QPCTL: variants seen among roughly 807,000 people sequenced by gnomAD.
QPCTL encodes the protein glutaminyl-peptide cyclotransferase-like protein.
Under a neutral mutation model 34.6 loss-of-function variants are expected in QPCTL, and 31 were observed. The observed-to-expected ratio is 0.90, with a 90% CI of 0.67 to 1.21. QPCTL has a LOEUF of 1.21. Ranked by LOEUF, QPCTL falls within the 50% of genes most tolerant of loss-of-function variation. The probability of loss-of-function intolerance (pLI) is 0.00; values close to 1 mark genes in which losing one functional copy is unlikely to be tolerated. For missense variants in QPCTL, 474 were observed against 507.8 expected (o/e 0.93, Z 0.64); for synonymous variants, 223 against 226.9 (o/e 0.98, Z 0.15).
rs190055331 is a variant in QPCTL, at chr19:45,693,335, G to A, written c.208-78G>A. ...GGAAGAGAACCCGGGGCTCCTCGCG[G>A]GTGACGGCGCCCGGGGTAGGGTTGA... On this transcript the variant is annotated intron_variant, in intron 1 of 6. Transcript: ENST00000012049. The A allele has an allele frequency of 5.5e-5, 82 of 1,499,488 alleles. No individual in the cohort carries two copies. The Admixed American group carries it at 5.9e-4, about 11-fold the overall frequency. The allele number at this position is 1,499,488 out of a possible 1,614,324, so 92.9% of individuals were successfully genotyped here.
rs761667204 is a variant in QPCTL at position 45,702,986 on chromosome 19, AC to A, written c.1089del (p.Thr364ArgfsTer25). 8 of 1,613,792 alleles carry A rather than the reference AC, an allele frequency of 5.0e-6. No homozygotes were observed. Among genetic ancestry groups the A allele is most frequent in the Non-Finnish European group, 6.8e-6 (8 of 1,179,968 alleles). ...PADTEVNLHP[P>X]TVHNLCRILA... ...CGGACACCGAGGTCAATCTCCACCCACCCACGGTACACAACTTGTGCCGCAT... is the reference window on the plus strand; with the variant it reads ...CGGACACCGAGGTCAATCTCCACCCACCACGGTACACAACTTGTGCCGCAT... On this transcript the variant is annotated frameshift_variant, in exon 7 of 7. Transcript: ENST00000012049. LOFTEE classifies it high-confidence loss of function.
At chr19:45,702,770 A>G (rs1967834167) in intron 6 of QPCTL, 134 bp from the exon 7 acceptor site, 1 of 1,119,390 alleles carries the variant, frequency 8.9e-7, no homozygotes, top group Non-Finnish European at 1.3e-6. Context: ...TCTCAAAAAA[A>G]AAAAAAAAGT....
rs1193890530 is a variant in QPCTL, at chr19:45,695,580, T to G, written c.495T>G (p.Leu165=). The G allele has an allele frequency of 6.2e-7, 1 of 1,614,090 alleles. No homozygotes were observed. Among genetic ancestry groups the G allele is most frequent in the South Asian group, 1.1e-5 (1 of 91,084 alleles). ...LDPRAARHLT[L]ACHYDSKLFP... ...CAAGGGCTGCCCGTCACCTCACCCTTGCCTGCCATTATGACTCGAAGCTCT... is the reference window on the plus strand; with the variant it reads ...CAAGGGCTGCCCGTCACCTCACCCTGGCCTGCCATTATGACTCGAAGCTCT... The change falls in exon 3 of 7, where the codon CTT becomes CTG. Residue 165 remains leucine, a synonymous_variant. Coordinates refer to ENST00000012049, the MANE Select transcript of QPCTL (RefSeq NM_017659.4).
intron 6 of QPCTL, 59 bp from the exon 7 acceptor site, chr19:45,702,845 G>T: frequency 6.2e-7 from 1 of 1,607,050 alleles, no homozygotes; most frequent in Non-Finnish European, 8.5e-7. Context: ...GGTTGGGCTT[G>T]GGCTCCTGGG....
intron 3 of QPCTL, among the ~76,000 whole-genome samples, chr19:45,697,107 G>A (rs917190547): frequency 1.3e-5 from 2 of 151,142 alleles, no homozygotes; most frequent in South Asian, 2.1e-4. Flanking sequence ...ATGACAGAGC[G>A]AGATTCTGTC....
rs1249738959 is a variant in QPCTL at position 45,701,931 on chromosome 19, G to C, written c.1003+17G>C. ...TCCGCAGAGGTACCAGCTGCAGGGA[G>C]GGATGGAGGGTGGGTGTCCAAGGAA... On this transcript the variant is annotated intron_variant, in intron 6 of 6. Transcript: ENST00000012049. 2 of 1,592,328 alleles carry C rather than the reference G, an allele frequency of 1.3e-6. No homozygotes were observed. The highest frequency in any genetic ancestry group is 2.7e-5 in the African/African-American group (2 of 74,392).
chr19:45,701,114 G>A (rs929460435), intron 5 of QPCTL, among the ~76,000 whole-genome samples: 6 of 149,722 alleles, frequency 4.0e-5, no homozygotes, highest in East Asian at 4.0e-4. Context: ...ACACACACGC[G>A]CACACACACA....
intron 1 of QPCTL, 43 bp from the exon 2 acceptor site, chr19:45,693,370 G>T (rs1421385276): frequency 1.3e-6 from 2 of 1,573,738 alleles, no homozygotes; most frequent in Middle Eastern, 2.1e-4. Flanking sequence ...AAATGGGGGG[G>T]TTGCTCTCAT....
At position 45,698,815 on chromosome 19, in the gene QPCTL, T is replaced by C. The variant is rs754293146; in HGVS notation, c.801T>C (p.Leu267=). 1 of 1,613,994 alleles carries C rather than the reference T, an allele frequency of 6.2e-7. No homozygotes were observed. Among genetic ancestry groups the C allele is most frequent in the East Asian group, 2.2e-5 (1 of 44,860 alleles). The change falls in exon 5 of 7, where the codon CTT becomes CTC. Residue 267 remains leucine, a synonymous_variant. Coordinates refer to ENST00000012049, the MANE Select transcript of QPCTL (RefSeq NM_017659.4). The part of the protein sequence containing the change: ...TRIQAIELFM[L]LDLLGAPNPT... ...TTTCTCCTTAGGAGCTCTTTATGCT[T>C]CTTGATCTCCTGGGAGCCCCCAATC...
chr19:45,699,025 C>A, intron 5 of QPCTL, 125 bp downstream of exon 5: 3 of 663,286 alleles, frequency 4.5e-6, no homozygotes, highest in South Asian at 4.4e-5. Context: ...CATAGGGAGA[C>A]CCCATCTTTT....
chr19:45,698,343 C>T (rs1032361223), intron 3 of QPCTL: 1 of 580,994 alleles, frequency 1.7e-6, no homozygotes, highest in Non-Finnish European at 3.0e-6. Flanking sequence ...GTAACTTCCC[C>T]ATGCCTGCTT....
intron 2 of QPCTL, among the ~76,000 whole-genome samples, chr19:45,694,674 T>C (rs1159321903): frequency 6.6e-6 from 1 of 151,830 alleles, no homozygotes; most frequent in Non-Finnish European, 1.5e-5. Context: ...TTTCACCATA[T>C]TGGCCAGGCT....
chr19:45,702,904 G>C lies in QPCTL; in HGVS notation c.1004G>C (p.Gly335Ala), dbSNP rs372915729. ...GACAAAGTCTCCTCTGTCACTTCAG[G>C]GGTACCCGTGCTCCATCTCATCTCC... ...EDDHIPFLRR[G>A]VPVLHLISTP... The change falls in exon 7 of 7, where the codon GGG (glycine) becomes GCG (alanine). Residue 335 changes from glycine (G) to alanine (A), a missense_variant and splice_region_variant. By Grantham distance (60) the Gly-to-Ala change is moderately conservative. Coordinates refer to ENST00000012049, the MANE Select transcript of QPCTL (RefSeq NM_017659.4). 2 of 1,614,062 alleles carry C rather than the reference G, an allele frequency of 1.2e-6. No homozygotes were observed. Among genetic ancestry groups the C allele is most frequent in the African/African-American group, 1.3e-5 (1 of 75,016 alleles).
At position 45,696,522 on chromosome 19, in the gene QPCTL, G is replaced by A. The variant is rs538204415; in HGVS notation, c.633+804G>A. 5.4e-4 allele frequency among the ~76,000 whole-genome samples: 82 copies of A among 151,882 alleles called. 3 individuals carry two copies. The highest frequency in any genetic ancestry group is 1.6e-3 in the African/African-American group (68 of 41,418). ...AGAGAATTGCTTGAACCCGGGAGGC[G>A]GAGGTTGCAGTGAGCCAAAGTTGCA... is the stretch of plus-strand genomic sequence containing the variant. On this transcript the variant is annotated intron_variant, in intron 3 of 6. Transcript: ENST00000012049.
chr19:45,696,280 G>A (rs1271963573), intron 3 of QPCTL, among the ~76,000 whole-genome samples: 1 of 152,038 alleles, frequency 6.6e-6, no homozygotes, highest in Non-Finnish European at 1.5e-5. Context: ...ATCTGCACTT[G>A]CTGTTTGCTT....
chr19:45,703,243 G>T lies in QPCTL; in HGVS notation c.*194G>T, dbSNP rs1967843802. ...TGCCACCCTTCAAGGACAGGGAAGA[G>T]ACCACTGTGGGATGACAGCCAGAGG... On this transcript the variant is annotated 3_prime_UTR_variant, in exon 7 of 7. Transcript: ENST00000012049. 1 of 692,328 alleles carries T rather than the reference G, an allele frequency of 1.4e-6. No homozygotes were observed. Among genetic ancestry groups the T allele is most frequent in the Non-Finnish European group, 2.4e-6 (1 of 424,226 alleles). The allele number at this position is 692,328 out of a possible 1,614,324, so 42.9% of individuals were successfully genotyped here.
At chr19:45,693,878 G>A (rs1300503986) in intron 2 of QPCTL, among the ~76,000 whole-genome samples, 1 of 152,196 alleles carries the variant, frequency 6.6e-6, no homozygotes, top group Non-Finnish European at 1.5e-5. Context: ...ATAATAAGTA[G>A]TAGACCTTAG....
intron 5 of QPCTL, among the ~76,000 whole-genome samples, chr19:45,700,383 G>T (rs1244521591): frequency 1.3e-5 from 2 of 151,870 alleles, no homozygotes; most frequent in Non-Finnish European, 2.9e-5. Flanking sequence ...AGCACAGGTT[G>T]CAGTGAGCTG....
rs1967852231 is a variant in QPCTL at position 45,703,813 on chromosome 19, C to T, written c.*764C>T. On this transcript the variant is annotated 3_prime_UTR_variant, in exon 7 of 7. Transcript: ENST00000012049. ...ACTAAAAATACAATAATTAGCTGGGCATGGTGGTGGGCGCCTGTAATCTCA... is the reference window on the plus strand; with the variant it reads ...ACTAAAAATACAATAATTAGCTGGGTATGGTGGTGGGCGCCTGTAATCTCA... The T allele has an allele frequency of 6.6e-6, 1 of 151,936 alleles. No individual in the cohort carries two copies. The highest frequency in any genetic ancestry group is 2.1e-4 in the South Asian group (1 of 4,808). The allele number at this position is 151,936 out of a possible 1,614,324, so 9.4% of individuals were successfully genotyped here.
Sources: allele counts gnomAD v4.1 joint callset (sites outside exome capture counted in the v4.1 genomes callset), GRCh38; gene constraint gnomAD v4.1.1; transcripts MANE v1.5; gene names NCBI Gene and HGNC (gene_info 2026-07-23, HGNC 2026-07-21).